Variants in WDPCP observed in about 807,000 individuals in gnomAD.
The protein encoded by WDPCP is WD repeat-containing and planar cell polarity effector protein fritz homolog.
WDPCP carries 71 observed loss-of-function variants against 93.1 expected under a neutral mutation model. The observed-to-expected ratio is 0.76, with a 90% CI of 0.63 to 0.93. The LOEUF (loss-of-function observed/expected upper bound fraction) is 0.93, where lower values mean the gene tolerates loss of function less well. Among genes scored for constraint, WDPCP ranks in the 40% least tolerant of loss-of-function variants. WDPCP has a pLI of 0.00. For missense variants in WDPCP, 844 were observed against 887.4 expected, an observed-to-expected ratio of 0.95 and a Z score of 0.62; for synonymous variants, 315 against 315.0, an observed-to-expected ratio of 1.00 and a Z score of 0.00.
intron 2 of WDPCP, among the ~76,000 whole-genome samples, chr2:63,690,264 A>G (rs573493955): frequency 6.6e-6 from 1 of 152,376 alleles, no homozygotes; most frequent in Non-Finnish European, 1.5e-5. Context: ...TAAAACTGTT[A>G]AATTCAGCTG....
chr2:63,482,856 A>G (rs1224679510), intron 6 of WDPCP, among the ~76,000 whole-genome samples: 1 of 151,988 alleles, frequency 6.6e-6, no homozygotes, highest in Non-Finnish European at 1.5e-5. Context: ...ACAAAAAAAG[A>G]TAAGTCCTAT....
At chr2:63,138,943 C>T (rs566549461) in intron 17 of WDPCP, among the ~76,000 whole-genome samples, 13 of 152,084 alleles carry the variant, frequency 8.5e-5, no homozygotes, top group Non-Finnish European at 1.6e-4. Context: ...TCAGTGAGAA[C>T]ATACGATGTT....
chr2:63,662,532 T>C (rs950421795), intron 2 of WDPCP, among the ~76,000 whole-genome samples: 3 of 152,018 alleles, frequency 2.0e-5, no homozygotes, highest in Non-Finnish European at 4.4e-5. Context: ...GAGCCTACCA[T>C]GTTAAGCCCA....
chr2:63,684,731 CATTAAAA>C, intron 2 of WDPCP: 1 of 608,868 alleles, frequency 1.6e-6, no homozygotes, highest in South Asian at 1.5e-5. Flanking sequence ...TTGTTTTGGT[CATTAAAA>C]ATTAAAAAAT....
At chr2:63,401,894 C>T (rs1694179873) in intron 10 of WDPCP, among the ~76,000 whole-genome samples, 1 of 152,080 alleles carries the variant, frequency 6.6e-6, no homozygotes, top group African/African-American at 2.4e-5. Context: ...ATTAGTTCAA[C>T]CATTGTGGAA....
chr2:63,709,998 GC>G (rs1457161264), intron 2 of WDPCP, among the ~76,000 whole-genome samples: 1 of 152,118 alleles, frequency 6.6e-6, no homozygotes, highest in Non-Finnish European at 1.5e-5. Flanking sequence ...AAGATTTCTT[GC>G]AACTTTTAAG....
At chr2:63,362,497 T>C (rs1690562403) in intron 12 of WDPCP, among the ~76,000 whole-genome samples, 1 of 152,032 alleles carries the variant, frequency 6.6e-6, no homozygotes, top group Non-Finnish European at 1.5e-5. Context: ...GGAGAACAAA[T>C]TATGTTAATA....
intron 8 of WDPCP, among the ~76,000 whole-genome samples, chr2:63,434,470 T>C (rs569843742): frequency 2.6e-5 from 4 of 152,216 alleles, no homozygotes; most frequent in Non-Finnish European, 5.9e-5. Context: ...TTTATGCAGC[T>C]TCTGAGAATT....
At chr2:63,639,574 C>A (rs1410314498) in intron 3 of WDPCP, among the ~76,000 whole-genome samples, 1 of 152,158 alleles carries the variant, frequency 6.6e-6, no homozygotes, top group Non-Finnish European at 1.5e-5. Flanking sequence ...ACCATGGTAA[C>A]CCACTAATCC....
At chr2:63,614,984 T>C (rs1709657200) in intron 3 of WDPCP, among the ~76,000 whole-genome samples, 1 of 152,230 alleles carries the variant, frequency 6.6e-6, no homozygotes, top group South Asian at 2.1e-4. Context: ...AAAACTTTGA[T>C]AAAATAAGTT....
chr2:63,130,785 A>G (rs555285667), intron 17 of WDPCP, among the ~76,000 whole-genome samples: 1 of 152,212 alleles, frequency 6.6e-6, no homozygotes, highest in South Asian at 2.1e-4. Context: ...CGATTATTGA[A>G]AGCAGGTTAT....
chr2:63,596,838 G>A (rs1339569474), intron 3 of WDPCP, among the ~76,000 whole-genome samples: 3 of 152,160 alleles, frequency 2.0e-5, no homozygotes, highest in Non-Finnish European at 4.4e-5. Context: ...ACCAACCTAG[G>A]CTGGAATTAC....
chr2:63,801,747 A>C (rs769108074), intron 2 of WDPCP, among the ~76,000 whole-genome samples: 1 of 152,142 alleles, frequency 6.6e-6, no homozygotes, highest in Non-Finnish European at 1.5e-5. Flanking sequence ...ATCCTCCTGC[A>C]AGACAGGAAA....
chr2:63,517,631 T>G (rs1036898182), intron 1 of WDPCP, among the ~76,000 whole-genome samples: 1 of 152,150 alleles, frequency 6.6e-6, no homozygotes, highest in Non-Finnish European at 1.5e-5. Context: ...CTAATATGAA[T>G]AGTTCCCTAA....
chr2:63,439,770 G>A lies in WDPCP; in HGVS notation c.486C>T (p.Asp162=), dbSNP rs372538263. 73 of 1,612,942 alleles carry A rather than the reference G, an allele frequency of 4.5e-5. 1 individual carries two copies. The East Asian group carries it at 1.6e-3, about 36-fold the overall frequency. ...GGGGGTAATTACCATCACTGATGGT[G>A]TCTGAGATGAGCTTCCCCACCAGGC... is the stretch of plus-strand genomic sequence containing the variant. ...DRSLVGKLIS[D]TISDALLTDS... is the part of the protein sequence containing the mutation. The change falls in exon 7 of 18, where the codon GAC becomes GAT. Residue 162 remains aspartate, a synonymous_variant. Transcript: ENST00000272321.
intron 1 of WDPCP, among the ~76,000 whole-genome samples, chr2:63,824,552 A>AAC (rs1671083351): frequency 6.6e-6 from 1 of 150,758 alleles, no homozygotes; most frequent in African/African-American, 2.4e-5. Context: ...AAAAAAAAAA[A>AAC]AAAAAAAAAA....
intron 2 of WDPCP, among the ~76,000 whole-genome samples, chr2:63,721,296 A>G (rs1669409292): frequency 6.6e-6 from 1 of 152,234 alleles, no homozygotes. Flanking sequence ...TGGCTGTTGT[A>G]TATGCCAGCT....
intron 2 of WDPCP, among the ~76,000 whole-genome samples, chr2:63,744,939 C>A (rs951909141): frequency 6.6e-6 from 1 of 152,024 alleles, no homozygotes; most frequent in African/African-American, 2.4e-5. Context: ...ATAATAATCA[C>A]GTCATTGAAC....
chr2:63,595,746 T>G (rs1709298247), intron 3 of WDPCP, among the ~76,000 whole-genome samples: 1 of 152,172 alleles, frequency 6.6e-6, no homozygotes, highest in Admixed American at 6.5e-5. Context: ...CCCCAATGTG[T>G]GTGTGTATAT....
Sources: allele counts gnomAD v4.1 joint callset (sites outside exome capture counted in the v4.1 genomes callset), GRCh38; gene constraint gnomAD v4.1.1; transcripts MANE v1.5; gene names NCBI Gene and HGNC (gene_info 2026-07-23, HGNC 2026-07-21).